Variants in CLSTN2 observed in about 807,000 individuals in gnomAD.
CLSTN2 encodes the protein calsyntenin 2.
CLSTN2 carries 48 observed loss-of-function variants against 101.2 expected under a neutral mutation model. The ratio of observed to expected loss-of-function variants is 0.47; its 90% confidence interval spans 0.38 to 0.60. The LOEUF (loss-of-function observed/expected upper bound fraction) is 0.60, where lower values mean the gene tolerates loss of function less well. CLSTN2 is among the 20% of genes least tolerant of loss of function. CLSTN2 has a pLI of 0.00. For missense variants in CLSTN2, 1,160 were observed against 1,238.2 expected (o/e 0.94, Z 0.95); for synonymous variants, 481 against 463.6 (o/e 1.04, Z -0.48).
chr3:140,174,560 A>C (rs1015089075), intron 1 of CLSTN2, among the ~76,000 whole-genome samples: 1 of 152,198 alleles, frequency 6.6e-6, no homozygotes, highest in African/African-American at 2.4e-5. Context: ...GCTGCTGATA[A>C]AGACATACCC....
intron 5 of CLSTN2, among the ~76,000 whole-genome samples, chr3:140,422,189 TTCTCTCTCTCTCTC>T (rs3035957): frequency 2.0e-5 from 3 of 148,500 alleles, no homozygotes; most frequent in African/African-American, 5.0e-5. Context: ...CTCTCTTTCT[TTCTCTCTCTCTCTC>T]TCTCTCTCTC....
intron 5 of CLSTN2, among the ~76,000 whole-genome samples, chr3:140,441,334 T>A (rs146389564): frequency 5.9e-4 from 90 of 152,330 alleles, no homozygotes; most frequent in African/African-American, 2.1e-3. Context: ...AGTCCTTTCC[T>A]TGTCTCTCCT....
At chr3:140,098,362 C>T (rs545675438) in intron 1 of CLSTN2, among the ~76,000 whole-genome samples, 4 of 152,242 alleles carry the variant, frequency 2.6e-5, no homozygotes, top group Admixed American at 1.3e-4. Flanking sequence ...AAGCCTTTTC[C>T]ACACCATTAA....
At chr3:140,047,350 A>G (rs2007901647) in intron 1 of CLSTN2, among the ~76,000 whole-genome samples, 1 of 152,202 alleles carries the variant, frequency 6.6e-6, no homozygotes, top group African/African-American at 2.4e-5. Flanking sequence ...CAACATATAT[A>G]TGGCCTTACA....
At chr3:140,484,241 A>T (rs1265360914) in intron 8 of CLSTN2, among the ~76,000 whole-genome samples, 1 of 152,194 alleles carries the variant, frequency 6.6e-6, no homozygotes, top group African/African-American at 2.4e-5. Flanking sequence ...TTGGCTGGAT[A>T]TGAAATTCTG....
chr3:140,170,000 T>C (rs1159784353), intron 1 of CLSTN2, among the ~76,000 whole-genome samples: 2 of 152,198 alleles, frequency 1.3e-5, no homozygotes, highest in Non-Finnish European at 2.9e-5. Context: ...TATAACATAA[T>C]TGAGCTCAGA....
chr3:140,049,819 A>G (rs923078103), intron 1 of CLSTN2, among the ~76,000 whole-genome samples: 1 of 152,178 alleles, frequency 6.6e-6, no homozygotes, highest in Admixed American at 6.5e-5. Context: ...CTTAGCTAGC[A>G]TATCTCCTTT....
chr3:140,394,601 G>A (rs1356254272), intron 2 of CLSTN2, among the ~76,000 whole-genome samples: 2 of 149,346 alleles, frequency 1.3e-5, no homozygotes, highest in South Asian at 2.2e-4. Context: ...AACACCTATT[G>A]CAGCCTTTGC....
intron 4 of CLSTN2, among the ~76,000 whole-genome samples, chr3:140,418,599 C>A (rs2088457899): frequency 6.7e-6 from 1 of 149,718 alleles, no homozygotes; most frequent in South Asian, 2.1e-4. Flanking sequence ...CTCACTGCAA[C>A]CTCTGCCTCC....
chr3:140,428,142 T>A (rs1458738945), intron 5 of CLSTN2, among the ~76,000 whole-genome samples: 1 of 152,200 alleles, frequency 6.6e-6, no homozygotes, highest in Non-Finnish European at 1.5e-5. Flanking sequence ...TGTAATCCAG[T>A]GGCTAGTTTG....
At position 140,088,576 on chromosome 3, in the gene CLSTN2, A is replaced by G. The variant is rs528215904; in HGVS notation, c.110-87375A>G. ...CCCTTCACAGGGTTACAACTGCAGA[A>G]AAACAAAGGAAGCCATCTCTCCCTG... On this transcript the variant is annotated intron_variant, in intron 1 of 16. Coordinates refer to ENST00000458420, the MANE Select transcript of CLSTN2 (RefSeq NM_022131.3). 1.2e-4 allele frequency among the ~76,000 whole-genome samples: 19 copies of G among 152,320 alleles called. No homozygotes were observed. In the East Asian group the frequency reaches 3.7e-3, roughly 29 times the overall value.
At chr3:140,150,644 C>T (rs547062862) in intron 1 of CLSTN2, among the ~76,000 whole-genome samples, 90 of 152,238 alleles carry the variant, frequency 5.9e-4, no homozygotes, top group Middle Eastern at 3.4e-3. Flanking sequence ...TCAAGACAAC[C>T]GGGAAAGGGC....
chr3:140,370,944 C>T (rs560377732), intron 2 of CLSTN2, among the ~76,000 whole-genome samples: 26 of 152,216 alleles, frequency 1.7e-4, no homozygotes, highest in Non-Finnish European at 3.5e-4. Context: ...AACTTGGCTG[C>T]GAGGGCATGG....
chr3:140,423,138 G>A (rs1215755333), intron 5 of CLSTN2, among the ~76,000 whole-genome samples: 1 of 152,206 alleles, frequency 6.6e-6, no homozygotes, highest in Non-Finnish European at 1.5e-5. Context: ...CTACAGATGT[G>A]TGATTACATT....
intron 8 of CLSTN2, among the ~76,000 whole-genome samples, chr3:140,528,247 A>C (rs1338442207): frequency 6.6e-6 from 1 of 152,152 alleles, no homozygotes; most frequent in South Asian, 2.1e-4. Flanking sequence ...GATTGTTTTT[A>C]TGACTATCAC....
Position 140,448,672 on chromosome 3 carries a change from C to T in CLSTN2, c.941C>T (p.Thr314Ile). The change falls in exon 6 of 17, where the codon ACC becomes ATC. Residue 314 changes from threonine (T) to isoleucine (I), a missense_variant. Coordinates refer to ENST00000458420, the MANE Select transcript of CLSTN2 (RefSeq NM_022131.3). ...NYIGKGCDRE[T>I]YSEKSLQKLC... is the part of the protein sequence containing the mutation. The stretch of plus-strand genomic sequence containing the variant: ...ATTGGGAAGGGTTGTGACCGGGAGA[C>T]CTACTCTGAGAAATCCCTTCAAAAG... 6.2e-7 allele frequency: 1 copy of T among 1,613,752 alleles called. No individual in the cohort carries two copies. The highest frequency in any genetic ancestry group is 8.5e-7 in the Non-Finnish European group (1 of 1,179,764).
At chr3:140,108,198 G>T (rs527900299) in intron 1 of CLSTN2, among the ~76,000 whole-genome samples, 4 of 152,314 alleles carry the variant, frequency 2.6e-5, no homozygotes, top group African/African-American at 9.6e-5. Context: ...TCAAGTTCTG[G>T]AGCTGACACT....
chr3:140,181,003 T>C (rs150818274), intron 2 of CLSTN2, among the ~76,000 whole-genome samples: 3 of 152,324 alleles, frequency 2.0e-5, no homozygotes, highest in South Asian at 4.1e-4. Flanking sequence ...GGGATTGGGA[T>C]AGACCCTTGG....
Position 140,558,688 on chromosome 3 carries a change from T to C in CLSTN2, c.1872T>C (p.Tyr624=), listed in dbSNP as rs1173653962. ...TCAGTATCCCTGAGGTAGATGCCTA[T>C]GTGATGGTCCTCCAGGCCATCGAGC... The part of the protein sequence containing the change: ...VCISIPEVDA[Y]VMVLQAIEPR... The change falls in exon 12 of 17, where the codon TAT becomes TAC. Residue 624 remains tyrosine, a synonymous_variant. Coordinates refer to ENST00000458420, the MANE Select transcript of CLSTN2 (RefSeq NM_022131.3). 3 of 1,613,922 alleles carry C rather than the reference T, an allele frequency of 1.9e-6. No individual in the cohort carries two copies. The highest frequency in any genetic ancestry group is 8.5e-7 in the Non-Finnish European group (1 of 1,180,010).
Sources: gnomAD v4.1 joint callset for allele counts (sites outside exome capture counted in the v4.1 genomes callset) on GRCh38, gnomAD v4.1.1 for gene constraint, MANE v1.5 for transcripts, NCBI Gene and HGNC (gene_info 2026-07-23, HGNC 2026-07-21) for gene names.